Variants in CASP9 observed in about 807,000 individuals in gnomAD.
The protein encoded by CASP9 is caspase-9.
In CASP9, 29 loss-of-function variants were observed where a neutral mutation model predicts 43.5. That is an observed-to-expected ratio of 0.67 (90% confidence interval 0.50 to 0.91). The LOEUF (loss-of-function observed/expected upper bound fraction) is 0.91. Among genes scored for constraint, CASP9 ranks in the 40% least tolerant of loss-of-function variants. The pLI is 0.00. For synonymous variants in CASP9, 206 were observed against 211.9 expected (o/e 0.97, Z 0.24); for missense variants, 575 against 537.4 (o/e 1.07, Z -0.69).
intron 6 of CASP9, among the ~76,000 whole-genome samples, chr1:15,503,410 G>T (rs1203380719): frequency 6.6e-6 from 1 of 152,174 alleles, no homozygotes; most frequent in African/African-American, 2.4e-5. Flanking sequence ...CCCATCCAGG[G>T]TTAATCAAGT....
chr1:15,510,370 G>A (rs1318534160), intron 2 of CASP9, among the ~76,000 whole-genome samples: 2 of 152,180 alleles, frequency 1.3e-5, no homozygotes, highest in Non-Finnish European at 2.9e-5. Flanking sequence ...GGCCACAGCA[G>A]AAAAGCACTC....
chr1:15,506,922 C>T lies in CASP9; in HGVS notation c.607G>A (p.Val203Met). 6.2e-7 allele frequency: 1 copy of T among 1,614,038 alleles called. No homozygotes were observed. ...RFSSLHFMVE[V>M]KGDLTAKKMV... Reference sequence around the variant, plus strand: ...ACCTTGGCAGTCAGGTCGCCCTTCACCTCCACCATGAAATGCAGCGAGGAG... The same window carrying T: ...ACCTTGGCAGTCAGGTCGCCCTTCATCTCCACCATGAAATGCAGCGAGGAG... The change falls in exon 4 of 9, where the codon GTG becomes ATG. Residue 203 changes from valine (V) to methionine (M), a missense_variant. Physicochemically the swap from Val to Met is conservative, Grantham distance 21. Transcript: ENST00000333868.
intron 7 of CASP9, 31 bp from the exon 8 acceptor site, chr1:15,494,032 G>A (rs1369019051): frequency 5.8e-6 from 9 of 1,551,152 alleles, no homozygotes; most frequent in Non-Finnish European, 7.8e-6. Flanking sequence ...AACACTGCTG[G>A]AGAGCCACCC....
chr1:15,497,611 C>G (rs1709154690), intron 6 of CASP9, among the ~76,000 whole-genome samples: 1 of 150,978 alleles, frequency 6.6e-6, no homozygotes, highest in South Asian at 2.1e-4. Context: ...CCACAGTCCT[C>G]CAGTCTGACA....
At chr1:15,500,934 G>A (rs972034470) in intron 6 of CASP9, among the ~76,000 whole-genome samples, 3 of 152,148 alleles carry the variant, frequency 2.0e-5, no homozygotes, top group African/African-American at 7.2e-5. Context: ...AGGCAGCTCC[G>A]TTCACGTGTC....
chr1:15,509,963 C>A (rs1709693112), intron 2 of CASP9, among the ~76,000 whole-genome samples: 1 of 152,094 alleles, frequency 6.6e-6, no homozygotes, highest in African/African-American at 2.4e-5. Flanking sequence ...CAGAGTCTCG[C>A]TCTGTCACCC....
At chr1:15,501,647 C>T (rs1709335247) in intron 6 of CASP9, among the ~76,000 whole-genome samples, 4 of 152,244 alleles carry the variant, frequency 2.6e-5, no homozygotes, top group African/African-American at 7.2e-5. Flanking sequence ...AAAGCAAGGA[C>T]CCGACTCCAA....
upstream of CASP9, chr1:15,524,464 G>T: frequency 1.1e-6 from 1 of 902,120 alleles, no homozygotes; most frequent in Non-Finnish European, 1.3e-6. Context: ...TCACCGCGCC[G>T]CCCCAGAACA....
At chr1:15,513,701 T>C (rs1378439735) in intron 2 of CASP9, among the ~76,000 whole-genome samples, 1 of 152,090 alleles carries the variant, frequency 6.6e-6, no homozygotes, top group Admixed American at 6.5e-5. Flanking sequence ...AACAGGTACT[T>C]AGTAAACATT....
At chr1:15,509,204 A>G (rs556928890) in intron 2 of CASP9, among the ~76,000 whole-genome samples, 60 of 151,616 alleles carry the variant, frequency 4.0e-4, no homozygotes, top group South Asian at 1.9e-3. Flanking sequence ...TTATACTTCC[A>G]CTCTGAACCT....
At position 15,493,033 on chromosome 1, in the gene CASP9, G is replaced by A. The variant is rs142340656; in HGVS notation, c.1161C>T (p.Val387=). ...TCCCTTTCACCGAAACAGCATTAGC[G>A]ACCTGTAAGACATGACCATGGAGAG... ...SEDLQSLLLR[V]ANAVSVKGIY... Residue 387 remains valine (V), a splice_region_variant and synonymous_variant, in exon 9 of 9, where the codon GTC becomes GTT. Coordinates refer to ENST00000333868, the MANE Select transcript of CASP9 (RefSeq NM_001229.5). 20 of 1,613,820 alleles carry A rather than the reference G, an allele frequency of 1.2e-5. No homozygotes were observed. In the African/African-American group the frequency reaches 2.0e-4, roughly 16 times the overall value.
At chr1:15,520,578 C>T (rs1010041478) in intron 1 of CASP9, among the ~76,000 whole-genome samples, 1 of 152,216 alleles carries the variant, frequency 6.6e-6, no homozygotes, top group Non-Finnish European at 1.5e-5. Context: ...CTGTCAGGCC[C>T]GCATAAGGGC....
At position 15,495,236 on chromosome 1, in the gene CASP9, C is replaced by T. The variant is rs760328762; in HGVS notation, c.1048+37G>A. ...TGCCTCTAGGGCAGACGGGAAGACC[C>T]ACTGGCTGCGAGGACGAGCCCTTCT... On this transcript the variant is annotated intron_variant, in intron 7 of 8. Transcript: ENST00000333868. The T allele has an allele frequency of 3.8e-6, 6 of 1,582,902 alleles. No individual in the cohort carries two copies. The African/African-American group carries it at 6.8e-5, about 18-fold the overall frequency.
At chr1:15,500,920 G>A (rs909286118) in intron 6 of CASP9, among the ~76,000 whole-genome samples, 2 of 152,116 alleles carry the variant, frequency 1.3e-5, no homozygotes, top group African/African-American at 4.8e-5. Context: ...CAGGCGGGGC[G>A]CTAAGGCAGC....
intron 4 of CASP9, among the ~76,000 whole-genome samples, chr1:15,506,282 C>G (rs1251443796): frequency 7.8e-6 from 1 of 128,746 alleles, no homozygotes; most frequent in African/African-American, 3.2e-5. Context: ...AACCCCGTCT[C>G]TACTAAAAAT....
intron 1 of CASP9, among the ~76,000 whole-genome samples, chr1:15,521,503 T>C (rs1315952425): frequency 2.0e-5 from 3 of 152,134 alleles, no homozygotes; most frequent in African/African-American, 7.2e-5. Context: ...GTAGAAGAAA[T>C]AGTGAAAGTC....
At chr1:15,505,428 A>G (rs1374602154) in intron 5 of CASP9, among the ~76,000 whole-genome samples, 1 of 152,122 alleles carries the variant, frequency 6.6e-6, no homozygotes, top group Admixed American at 6.5e-5. Context: ...AGAAATCCTG[A>G]TTTTTATGTG....
At position 15,508,101 on chromosome 1, in the gene CASP9, G is replaced by T. The variant is rs35830046; in HGVS notation, c.419-194C>A. Among the ~76,000 whole-genome samples the T allele has an allele frequency of 9.7e-4, 148 of 152,338 alleles. 1 individual carries two copies. The highest frequency in any genetic ancestry group is 3.4e-3 in the African/African-American group (142 of 41,584). On this transcript the variant is annotated intron_variant, in intron 2 of 8. Coordinates refer to ENST00000333868, the MANE Select transcript of CASP9 (RefSeq NM_001229.5). ...TTAAACACACACCTACCCTCTGACA[G>T]CAAGTCCACCCTTAGGTATATATCA... is the stretch of plus-strand genomic sequence containing the variant.
At chr1:15,494,298 C>A (rs1285392056) in intron 7 of CASP9, among the ~76,000 whole-genome samples, 1 of 152,216 alleles carries the variant, frequency 6.6e-6, no homozygotes, top group African/African-American at 2.4e-5. Context: ...GGCACAGTGG[C>A]TCACACCTGT....
Sources: gnomAD v4.1 joint callset for allele counts (sites outside exome capture counted in the v4.1 genomes callset) on GRCh38, gnomAD v4.1.1 for gene constraint, MANE v1.5 for transcripts, NCBI Gene and HGNC (gene_info 2026-07-23, HGNC 2026-07-21) for gene names.